The following FMNL2 variants were observed in gnomAD, a reference collection of about 807,000 sequenced individuals.
The protein encoded by FMNL2 is formin-like protein 2.
In FMNL2, 51 loss-of-function variants were observed where a neutral mutation model predicts 130.2. The observed-to-expected ratio is 0.39, with a 90% confidence interval of 0.31 to 0.49. The LOEUF (loss-of-function observed/expected upper bound fraction) is 0.49, where lower values mean the gene tolerates loss of function less well. FMNL2 is among the 20% of genes least tolerant of loss of function. The probability of loss-of-function intolerance (pLI) is 0.85; values close to 1 mark genes in which losing one functional copy is unlikely to be tolerated. For synonymous variants in FMNL2, 465 were observed against 467.1 expected, an observed-to-expected ratio of 1.00 and a Z score of 0.06; for missense variants, 977 against 1,316.2, an observed-to-expected ratio of 0.74 and a Z score of 3.99.
intron 11 of FMNL2, among the ~76,000 whole-genome samples, chr2:152,612,021 A>AT (rs1252867915): frequency 6.6e-6 from 1 of 152,176 alleles, no homozygotes; most frequent in Non-Finnish European, 1.5e-5. Context: ...TGCTTAGAGC[A>AT]TAAAAAAAAA....
At chr2:152,566,184 G>A (rs1695826609) in intron 6 of FMNL2, among the ~76,000 whole-genome samples, 1 of 152,222 alleles carries the variant, frequency 6.6e-6, no homozygotes, top group South Asian at 2.1e-4. Flanking sequence ...GAATTCAAAT[G>A]TAGGTCCTTG....
intron 9 of FMNL2, among the ~76,000 whole-genome samples, chr2:152,605,051 G>A (rs905582645): frequency 4.6e-5 from 7 of 152,008 alleles, no homozygotes; most frequent in Non-Finnish European, 8.8e-5. Flanking sequence ...AGGGAGCTGG[G>A]CCTGTACTGC....
chr2:152,341,389 T>A (rs1681796017), intron 1 of FMNL2, among the ~76,000 whole-genome samples: 1 of 152,226 alleles, frequency 6.6e-6, no homozygotes, highest in African/African-American at 2.4e-5. Context: ...ATGCAAATGT[T>A]TGGCTCCAGG....
intron 1 of FMNL2, among the ~76,000 whole-genome samples, chr2:152,476,174 T>C (rs1434089716): frequency 6.6e-6 from 1 of 152,238 alleles, no homozygotes; most frequent in Non-Finnish European, 1.5e-5. Flanking sequence ...TGTGGCTTCC[T>C]TTCAGAGAGT....
chr2:152,638,473 G>A (rs974384167), intron 23 of FMNL2, among the ~76,000 whole-genome samples: 1 of 152,202 alleles, frequency 6.6e-6, no homozygotes, highest in African/African-American at 2.4e-5. Context: ...GAGAAGTCCT[G>A]TTGGAAATAG....
intron 1 of FMNL2, among the ~76,000 whole-genome samples, chr2:152,419,065 T>A (rs1686770485): frequency 6.6e-6 from 1 of 151,998 alleles, no homozygotes; most frequent in African/African-American, 2.4e-5. Flanking sequence ...ATAGGTTTTT[T>A]AAAACTATGT....
chr2:152,443,838 C>G (rs932100612), intron 1 of FMNL2, among the ~76,000 whole-genome samples: 12 of 151,926 alleles, frequency 7.9e-5, no homozygotes, highest in Admixed American at 6.6e-4. Flanking sequence ...GCGAGAGACT[C>G]CATCCAAAAA....
At chr2:152,608,372 GAA>G (rs869229242) in intron 10 of FMNL2, among the ~76,000 whole-genome samples, 4 of 24,076 alleles carry the variant, frequency 1.7e-4, no homozygotes, top group African/African-American at 4.9e-4. Flanking sequence ...AAAAAAAAAA[GAA>G]AAAAAAAAAA....
chr2:152,542,668 CAT>C, intron 2 of FMNL2, 69 bp from the exon 3 acceptor site: 1 of 1,516,148 alleles, frequency 6.6e-7, no homozygotes, highest in Non-Finnish European at 9.1e-7. Flanking sequence ...ATTTTGGTAA[CAT>C]AATCTGATGT....
intron 10 of FMNL2, 94 bp downstream of exon 10, chr2:152,607,507 A>G (rs2118376): frequency 0.24 from 190,537 of 798,282 alleles, 25,162 homozygotes; most frequent in Admixed American, 0.29. Flanking sequence ...ACACACACAC[A>G]TATTTATATT....
At chr2:152,472,617 C>T (rs1027940652) in intron 1 of FMNL2, among the ~76,000 whole-genome samples, 3 of 152,204 alleles carry the variant, frequency 2.0e-5, no homozygotes, top group African/African-American at 7.2e-5. Flanking sequence ...ATCTTTATTA[C>T]CTTTCCAAAT....
intron 1 of FMNL2, among the ~76,000 whole-genome samples, chr2:152,477,708 A>G (rs1008823266): frequency 2.6e-5 from 4 of 152,232 alleles, no homozygotes; most frequent in African/African-American, 9.6e-5. Flanking sequence ...AAAACAAAAC[A>G]GTGGAGGGAA....
chr2:152,521,895 C>T lies in FMNL2; in HGVS notation c.118-48C>T, dbSNP rs765339810. On this transcript the variant is annotated intron_variant, in intron 1 of 25. Coordinates refer to ENST00000288670, the MANE Select transcript of FMNL2 (RefSeq NM_052905.4). ...TGCCTGCAAGTTACCAATTTGGAAG[C>T]CTGCTGTGGAATGTGACATCTTTTC... The T allele has an allele frequency of 4.8e-6, 7 of 1,462,456 alleles. No individual in the cohort carries two copies. In the Admixed American group the frequency reaches 1.2e-4, roughly 25 times the overall value. 90.6% of individuals were successfully genotyped at this position (1,462,456 alleles called of 1,614,324 possible). A position where few individuals can be genotyped will look rare whatever the true frequency, so the allele number is the denominator to read the frequency against.
intron 1 of FMNL2, among the ~76,000 whole-genome samples, chr2:152,407,610 G>T (rs1054731077): frequency 5.3e-5 from 8 of 152,110 alleles, no homozygotes; most frequent in African/African-American, 1.7e-4. Flanking sequence ...CAGCATTTTG[G>T]CTGAATTTTG....
At chr2:152,490,736 GAA>G (rs199564236) in intron 1 of FMNL2, among the ~76,000 whole-genome samples, 5 of 116,958 alleles carry the variant, frequency 4.3e-5, no homozygotes, top group Non-Finnish European at 7.8e-5. Flanking sequence ...GGAGTTTAAG[GAA>G]AAAAAAAAAA....
intron 1 of FMNL2, among the ~76,000 whole-genome samples, chr2:152,411,877 G>A (rs1245538425): frequency 2.0e-5 from 3 of 152,156 alleles, no homozygotes; most frequent in Non-Finnish European, 4.4e-5. Context: ...TGAGGTTATA[G>A]CTAATTCTCT....
At chr2:152,529,046 G>A (rs1179556316) in intron 2 of FMNL2, among the ~76,000 whole-genome samples, 2 of 152,230 alleles carry the variant, frequency 1.3e-5, no homozygotes, top group Non-Finnish European at 2.9e-5. Flanking sequence ...CCCACGGGGA[G>A]AAGAAAATGT....
chr2:152,379,749 T>C (rs768797574), intron 1 of FMNL2, among the ~76,000 whole-genome samples: 1 of 152,190 alleles, frequency 6.6e-6, no homozygotes, highest in Non-Finnish European at 1.5e-5. Context: ...GCAAACACAA[T>C]GCTAAGAAAA....
intron 1 of FMNL2, among the ~76,000 whole-genome samples, chr2:152,350,414 T>C (rs6757219): frequency 0.77 from 117,335 of 152,088 alleles, 46,250 homozygotes; most frequent in Admixed American, 0.86. Context: ...TTTTGTGTAG[T>C]CAGAGTTCTG....
Sources: gnomAD v4.1 joint callset for allele counts (sites outside exome capture counted in the v4.1 genomes callset) on GRCh38, gnomAD v4.1.1 for gene constraint, MANE v1.5 for transcripts, NCBI Gene and HGNC (gene_info 2026-07-23, HGNC 2026-07-21) for gene names.